Variants in SIRPB1 observed in about 807,000 individuals in gnomAD.
SIRPB1 encodes signal-regulatory protein beta-1.
SIRPB1 carries 28 observed loss-of-function variants against 34.1 expected under a neutral mutation model. That is an observed-to-expected ratio of 0.82 (90% CI 0.61 to 1.12). The LOEUF is 1.12. SIRPB1 is among the 50% of genes most tolerant of loss of function. The probability of loss-of-function intolerance (pLI) is 0.00; values close to 1 mark genes in which losing one functional copy is unlikely to be tolerated. For missense variants in SIRPB1, 499 were observed against 507.0 expected, an observed-to-expected ratio of 0.98 and a Z score of 0.15; for synonymous variants, 211 against 203.8, an observed-to-expected ratio of 1.04 and a Z score of -0.30.
At chr20:1,596,955 T>C (rs2091459990) in intron 1 of SIRPB1, among the ~76,000 whole-genome samples, 1 of 48,978 alleles carries the variant, frequency 2.0e-5, no homozygotes, top group Admixed American at 1.4e-4. Context: ...TTTTCAGGAA[T>C]TGTGTATTCT....
rs1184398431 is a variant in SIRPB1, at chr20:1,616,093, T to C, written c.76+3776A>G. 2.6e-5 allele frequency among the ~76,000 whole-genome samples: 4 copies of C among 152,312 alleles called. No individual in the cohort carries two copies. The South Asian group carries it at 6.2e-4, about 24-fold the overall frequency. On this transcript the variant is annotated intron_variant, in intron 1 of 5. Transcript: ENST00000381605. Reference sequence around the variant, plus strand: ...ATAGAACAAAAATAATGGAAAGATATCCATGCTTGTGGATTAGATAATTAC... The same window carrying C: ...ATAGAACAAAAATAATGGAAAGATACCCATGCTTGTGGATTAGATAATTAC...
chr20:1,615,169 T>G (rs776799588), intron 1 of SIRPB1, among the ~76,000 whole-genome samples: 1 of 152,222 alleles, frequency 6.6e-6, no homozygotes, highest in Non-Finnish European at 1.5e-5. Context: ...GTTAGTGTCT[T>G]TAAATGAATT....
At position 1,582,020 on chromosome 20, in the gene SIRPB1, C is replaced by A. The variant is rs1487914966; in HGVS notation, c.77-3326G>T. Among the ~76,000 whole-genome samples the A allele has an allele frequency of 4.1e-5, 2 of 49,066 alleles. 1 individual carries two copies. Among genetic ancestry groups the A allele is most frequent in the Non-Finnish European group, 7.9e-5 (2 of 25,418 alleles). 32.2% of individuals were successfully genotyped at this position (49,066 alleles called of 152,430 possible). ...CATATTAATGTCACATAATCCAGCA[C>A]CTGTAAGTTTTTTTTGGGATGCCTG... On this transcript the variant is annotated intron_variant, in intron 1 of 5. Transcript: ENST00000381605.
Position 1,564,722 on chromosome 20 carries a change from C to T in SIRPB1, c.*778G>A, listed in dbSNP as rs1216519943. 1.8e-5 allele frequency: 7 copies of T among 393,268 alleles called. No individual in the cohort carries two copies. 24.4% of individuals were successfully genotyped at this position (393,268 alleles called of 1,614,324 possible). On this transcript the variant is annotated 3_prime_UTR_variant, in exon 6 of 6. Transcript: ENST00000381605. ...TAACTGTTGGCAGTGTGAAATTGGT[C>T]AGGTTGGGAGTTATTACACTAGAGA...
chr20:1,578,303 C>T, intron 2 of SIRPB1, 35 bp downstream of exon 2: 2 of 1,553,566 alleles, frequency 1.3e-6, no homozygotes, highest in African/African-American at 1.4e-5. Flanking sequence ...TATTGTCACA[C>T]ACCAGGGGAC....
chr20:1,578,704 A>C lies in SIRPB1; in HGVS notation c.77-10T>G. ...TCCTCACCTGCCACTCCTGGAAAGG[A>C]GCACAAAGCAGTCATTTCTTCATCC... On this transcript the variant is annotated splice_polypyrimidine_tract_variant and intron_variant, in intron 1 of 5. Coordinates refer to ENST00000381605, the MANE Select transcript of SIRPB1 (RefSeq NM_006065.5). The C allele has an allele frequency of 1.3e-6, 2 of 1,545,204 alleles. 1 individual carries two copies. The highest frequency in any genetic ancestry group is 1.8e-6 in the Non-Finnish European group (2 of 1,121,800).
Position 1,565,137 on chromosome 20 carries a change from G to T in SIRPB1, c.*363C>A. ...AACAAGGCTGGGGGAGTTGGGGTAG[G>T]CAGGAATCCAGAAGACAGGATAACT... On this transcript the variant is annotated 3_prime_UTR_variant, in exon 6 of 6. Coordinates refer to ENST00000381605, the MANE Select transcript of SIRPB1 (RefSeq NM_006065.5). 2.5e-6 allele frequency: 1 copy of T among 398,390 alleles called. No homozygotes were observed. The highest frequency in any genetic ancestry group is 3.6e-5 in the East Asian group (1 of 28,054). 24.7% of individuals were successfully genotyped at this position (398,390 alleles called of 1,614,324 possible). A position where few individuals can be genotyped will look rare whatever the true frequency, so the allele number is the denominator to read the frequency against.
chr20:1,619,846 T>C lies in SIRPB1; in HGVS notation c.76+23A>G, dbSNP rs781742024. ...ATGGCTCAGTGGGCAGGAAAAAAGA[T>C]TTTAACCGAAGGCAGTGCTCACCTG... On this transcript the variant is annotated intron_variant, in intron 1 of 5. Transcript: ENST00000381605. 1.7e-5 allele frequency: 26 copies of C among 1,572,614 alleles called. 1 individual carries two copies. In the Admixed American group the frequency reaches 4.3e-4, roughly 26 times the overall value.
chr20:1,618,008 CAT>C (rs960783932), intron 1 of SIRPB1, among the ~76,000 whole-genome samples: 178 of 151,824 alleles, frequency 1.2e-3, no homozygotes, highest in African/African-American at 4.0e-3. Context: ...CACACACACA[CAT>C]ATATATGTAT....
At chr20:1,572,199 C>T (rs961249035) in intron 2 of SIRPB1, among the ~76,000 whole-genome samples, 162 bp from the exon 3 acceptor site, 17 of 152,168 alleles carry the variant, frequency 1.1e-4, no homozygotes, top group African/African-American at 3.9e-4. Context: ...CAGGACACAA[C>T]AGCTCTTAGA....
At chr20:1,576,725 G>A (rs1194220729) in intron 2 of SIRPB1, among the ~76,000 whole-genome samples, 1 of 148,396 alleles carries the variant, frequency 6.7e-6, no homozygotes, top group African/African-American at 2.4e-5. Flanking sequence ...TGAACAACAT[G>A]GAGAAACCCT....
rs768887680 is a variant in SIRPB1, at chr20:1,571,121, C to A, written c.768G>T (p.Glu256Asp). Residue 256 changes from glutamate (E) to aspartate (D), a missense_variant, in exon 4 of 6, where the codon GAG becomes GAT. By Grantham distance (45) the Glu-to-Asp change is conservative. Coordinates refer to ENST00000381605, the MANE Select transcript of SIRPB1 (RefSeq NM_006065.5). The part of the protein sequence containing the change: ...SEAIRVPPTL[E>D]VTQQPMRAEN... ...CTGCCCTCATGGGCTGTTGAGTAAC[C>A]TCCAAGGTGGGTGGAACTGAAACAG... The A allele has an allele frequency of 9.3e-6, 15 of 1,613,740 alleles. No homozygotes were observed. In the South Asian group the frequency reaches 1.6e-4, roughly 18 times the overall value.
rs77168854 is a variant in SIRPB1 at position 1,613,255 on chromosome 20, T to G, written c.76+6614A>C. ...TTTTTTGCCTTTTCAAATTCTAGAGTTTTCTCACATTCCTTTCTCACAGTT... is the reference window on the plus strand; with the variant it reads ...TTTTTTGCCTTTTCAAATTCTAGAGGTTTCTCACATTCCTTTCTCACAGTT... On this transcript the variant is annotated intron_variant, in intron 1 of 5. Coordinates refer to ENST00000381605, the MANE Select transcript of SIRPB1 (RefSeq NM_006065.5). 2.7e-5 allele frequency among the ~76,000 whole-genome samples: 2 copies of G among 73,162 alleles called. 1 individual carries two copies. The highest frequency in any genetic ancestry group is 1.1e-3 in the South Asian group (2 of 1,740). The allele number at this position is 73,162 out of a possible 152,430, so 48.0% of individuals were successfully genotyped here. A position where few individuals can be genotyped will look rare whatever the true frequency, so the allele number is the denominator to read the frequency against.
At position 1,578,433 on chromosome 20, in the gene SIRPB1, G is replaced by T; in HGVS notation, c.338C>A (p.Ala113Glu). Residue 113 changes from alanine (A) to glutamate (E), a missense_variant, in exon 2 of 6, where the codon GCA becomes GAA. Coordinates refer to ENST00000381605, the MANE Select transcript of SIRPB1 (RefSeq NM_006065.5). ...FSISISNITP[A>E]DAGTYYCVKF... is the part of the protein sequence containing the mutation. ...CACACAGTAGTAGGTGCCGGCGTCT[G>T]CTGGGGTGATGTTACTGATGCTGAT... 1 of 1,584,908 alleles carries T rather than the reference G, an allele frequency of 6.3e-7. No individual in the cohort carries two copies. Among genetic ancestry groups the T allele is most frequent in the Non-Finnish European group, 8.6e-7 (1 of 1,158,442 alleles).
At position 1,599,029 on chromosome 20, in the gene SIRPB1, C is replaced by A; in HGVS notation, c.77-20335G>T. ...TACCCCACCTGAGGCTACCTGGGAC[C>A]ATCAATGCTCCAAAGCTTTTGAAAC... On this transcript the variant is annotated intron_variant, in intron 1 of 5. Transcript: ENST00000381605. 2 of 227,932 alleles carry A rather than the reference C, an allele frequency of 8.8e-6. 1 individual carries two copies. The highest frequency in any genetic ancestry group is 1.5e-5 in the Non-Finnish European group (2 of 130,552). The allele number at this position is 227,932 out of a possible 1,614,324, so 14.1% of individuals were successfully genotyped here. A position where few individuals can be genotyped will look rare whatever the true frequency, so the allele number is the denominator to read the frequency against.
In SIRPB1 at chr20:1,561,531, T is replaced by G. The variant is rs1328656578; in HGVS notation, c.*3969A>C. 6.6e-6 allele frequency among the ~76,000 whole-genome samples: 1 copy of G among 152,240 alleles called. No homozygotes were observed. The highest frequency in any genetic ancestry group is 1.5e-5 in the Non-Finnish European group (1 of 68,042). On this transcript the variant is annotated 3_prime_UTR_variant, in exon 6 of 6. Coordinates refer to ENST00000381605, the MANE Select transcript of SIRPB1 (RefSeq NM_006065.5). ...TTGGCTATGACAGTTTTTTAGACTT[T>G]CCTTGATTTTGATGACCTTGACAGT...
At chr20:1,615,408 T>G (rs1402920865) in intron 1 of SIRPB1, among the ~76,000 whole-genome samples, 1 of 152,240 alleles carries the variant, frequency 6.6e-6, no homozygotes, top group Admixed American at 6.5e-5. Flanking sequence ...CCTGTCGTAC[T>G]CTTTAACCAT....
intron 1 of SIRPB1, among the ~76,000 whole-genome samples, chr20:1,614,009 T>A (rs1412381702): frequency 2.0e-5 from 3 of 152,198 alleles, no homozygotes; most frequent in African/African-American, 7.2e-5. Flanking sequence ...CAGAAGTGAT[T>A]CCTTACATAA....
intron 1 of SIRPB1, among the ~76,000 whole-genome samples, chr20:1,617,311 T>C (rs1215117426): frequency 6.6e-6 from 1 of 152,072 alleles, no homozygotes; most frequent in Non-Finnish European, 1.5e-5. Flanking sequence ...AGCAGATAAA[T>C]GGAGAAAGGA....
Sources: gnomAD v4.1 joint callset for allele counts (sites outside exome capture counted in the v4.1 genomes callset) on GRCh38, gnomAD v4.1.1 for gene constraint, MANE v1.5 for transcripts, NCBI Gene and HGNC (gene_info 2026-07-23, HGNC 2026-07-21) for gene names.